The following EPB41L3 variants were observed in gnomAD, a reference collection of about 807,000 sequenced individuals.
The protein encoded by EPB41L3 is band 4.1-like protein 3.
EPB41L3 carries 57 observed loss-of-function variants against 127.1 expected under a neutral mutation model. The observed-to-expected ratio is 0.45, with a 90% CI of 0.36 to 0.56. EPB41L3 has a LOEUF of 0.56. Among genes scored for constraint, EPB41L3 ranks in the 20% least tolerant of loss-of-function variants. EPB41L3 has a pLI of 0.00. For synonymous variants in EPB41L3, 572 were observed against 549.5 expected (o/e 1.04, Z -0.57); for missense variants, 1,273 against 1,372.2 (o/e 0.93, Z 1.14).
intron 3 of EPB41L3, among the ~76,000 whole-genome samples, chr18:5,470,067 C>A (rs926059838): frequency 4.6e-5 from 7 of 152,140 alleles, no homozygotes; most frequent in Non-Finnish European, 8.8e-5. Flanking sequence ...CGTGAGCCAC[C>A]GTGTCTGGCT....
At chr18:5,422,576 C>T (rs1169690365) in intron 11 of EPB41L3, among the ~76,000 whole-genome samples, 2 of 152,152 alleles carry the variant, frequency 1.3e-5, no homozygotes, top group East Asian at 3.9e-4. Context: ...AACAAATCTC[C>T]AGGTGCTCCA....
intron 1 of EPB41L3, among the ~76,000 whole-genome samples, chr18:5,622,580 A>G (rs1401373610): frequency 6.6e-6 from 1 of 152,164 alleles, no homozygotes; most frequent in East Asian, 1.9e-4. Context: ...TGCAGGCTAC[A>G]TGTTTTTTTT....
rs1046206447 is a variant in EPB41L3 at position 5,428,238 on chromosome 18, A to C, written c.1065+75T>G. On this transcript the variant is annotated intron_variant, in intron 9 of 22. Transcript: ENST00000341928. ...TGTCCCACAATGCTCAGAACTCATA[A>C]GCAGATAATTTAAATGCTTGCTTGC... The C allele has an allele frequency of 3.8e-6, 6 of 1,560,566 alleles. No homozygotes were observed. The African/African-American group carries it at 8.1e-5, about 21-fold the overall frequency.
At chr18:5,535,202 T>C (rs1014178575) in intron 1 of EPB41L3, among the ~76,000 whole-genome samples, 2 of 151,904 alleles carry the variant, frequency 1.3e-5, no homozygotes, top group Non-Finnish European at 2.9e-5. Context: ...CCCCCGTCCA[T>C]GGAAAAACTG....
intron 3 of EPB41L3, among the ~76,000 whole-genome samples, chr18:5,460,773 G>A (rs1052035426): frequency 6.6e-6 from 1 of 152,114 alleles, no homozygotes. Context: ...ACCGGGTTGA[G>A]GCTTCCTCCT....
intron 10 of EPB41L3, among the ~76,000 whole-genome samples, 192 bp downstream of exon 10, chr18:5,424,070 A>G (rs913407354): frequency 2.6e-5 from 4 of 152,230 alleles, no homozygotes; most frequent in African/African-American, 9.6e-5. Context: ...ATGTAAGTAC[A>G]TGACAAATTA....
intron 3 of EPB41L3, among the ~76,000 whole-genome samples, chr18:5,465,210 G>T (rs1041534096): frequency 6.6e-6 from 1 of 152,148 alleles, no homozygotes; most frequent in South Asian, 2.1e-4. Flanking sequence ...AGGTAGGTGG[G>T]TTTTTAAAAC....
chr18:5,560,475 A>G (rs1429301660), intron 3 of EPB41L3, among the ~76,000 whole-genome samples: 1 of 152,222 alleles, frequency 6.6e-6, no homozygotes, highest in African/African-American at 2.4e-5. Flanking sequence ...TAACTTTTTC[A>G]AACTTAATTC....
At chr18:5,398,550 A>G in intron 16 of EPB41L3, 1 of 403,428 alleles carries the variant, frequency 2.5e-6, no homozygotes, top group Non-Finnish European at 4.4e-6. Flanking sequence ...CATAAAGCCA[A>G]GCAGCAAGAG....
At chr18:5,613,201 G>A (rs1441217987) in intron 2 of EPB41L3, among the ~76,000 whole-genome samples, 1 of 152,150 alleles carries the variant, frequency 6.6e-6, no homozygotes, top group African/African-American at 2.4e-5. Flanking sequence ...GGAAGTGAGT[G>A]ACCTTGACCA....
intron 22 of EPB41L3, 172 bp from the exon 23 acceptor site, chr18:5,393,650 A>G (rs1336574474): frequency 2.0e-6 from 1 of 489,724 alleles, no homozygotes; most frequent in Non-Finnish European, 3.6e-6. Flanking sequence ...AGTAATTACA[A>G]CAACGCCCAA....
rs1203193203 is a variant in EPB41L3, at chr18:5,418,980, T to TCAGG, written c.1506+730_1506+731insCCTG. Among the ~76,000 whole-genome samples, 61 of 152,306 alleles carry TCAGG rather than the reference T, an allele frequency of 4.0e-4. 1 individual carries two copies. The South Asian group carries it at 0.012, about 29-fold the overall frequency. ...AGCCACTCTGTTTTTCCCTTATTAT[T>TCAGG]AGGTATAAGCCTCCTGAAGGGTTTT... On this transcript the variant is annotated intron_variant, in intron 12 of 22. Coordinates refer to ENST00000341928, the MANE Select transcript of EPB41L3 (RefSeq NM_012307.5).
intron 1 of EPB41L3, among the ~76,000 whole-genome samples, chr18:5,535,659 C>CATCT: frequency 6.6e-6 from 1 of 152,296 alleles, no homozygotes; most frequent in Non-Finnish European, 1.5e-5. Context: ...CTCACAGAAG[C>CATCT]CTGGGTGCAC....
chr18:5,394,791 C>T lies in EPB41L3; in HGVS notation c.3156G>A (p.Ala1052=), dbSNP rs774369492. ...TGGCCTCTTTAATTGCCTGAGCCAGCGCCTATCCCCGGGAAATCACAGAAG... is the reference window on the plus strand; with the variant it reads ...TGGCCTCTTTAATTGCCTGAGCCAGTGCCTATCCCCGGGAAATCACAGAAG... ...TGDADIDHDQ[A]LAQAIKEAKE... is the part of the protein sequence containing the mutation. The change falls in exon 22 of 23, where the codon GCG becomes GCA. Residue 1052 remains alanine, a splice_region_variant and synonymous_variant. Transcript: ENST00000341928. 17 of 1,613,810 alleles carry T rather than the reference C, an allele frequency of 1.1e-5. 1 individual carries two copies. The highest frequency in any genetic ancestry group is 6.6e-5 in the South Asian group (6 of 91,068).
chr18:5,588,289 A>C (rs1270436895), intron 3 of EPB41L3, among the ~76,000 whole-genome samples: 2 of 152,128 alleles, frequency 1.3e-5, no homozygotes, highest in Non-Finnish European at 2.9e-5. Context: ...TCAAAACAAC[A>C]AAATTATATG....
chr18:5,625,404 A>G (rs576336931), intron 1 of EPB41L3, among the ~76,000 whole-genome samples: 8 of 152,164 alleles, frequency 5.3e-5, no homozygotes, highest in African/African-American at 1.9e-4. Flanking sequence ...TCTGTCAGGG[A>G]GCAACGTGAG....
chr18:5,421,603 T>C (rs1009075639), intron 11 of EPB41L3, among the ~76,000 whole-genome samples: 1 of 152,186 alleles, frequency 6.6e-6, no homozygotes, highest in Non-Finnish European at 1.5e-5. Flanking sequence ...GAATATAAAA[T>C]GTGGTATATA....
At chr18:5,398,810 G>C (rs1397383533) in intron 16 of EPB41L3, 11 of 399,206 alleles carry the variant, frequency 2.8e-5, no homozygotes, top group Non-Finnish European at 4.4e-5. Context: ...TTTTGCTGAA[G>C]CGTCTGCCTT....
Position 5,498,594 on chromosome 18 carries a change from CAAAAA to C in EPB41L3, c.-11-9405_-11-9401del, listed in dbSNP as rs397828412. On this transcript the variant is annotated intron_variant, in intron 1 of 22. Transcript: ENST00000341928. ...GGGTAACAAGAGCGAGACTCCATCT[CAAAAA>C]AAAAAAAAAAAAGAAAATGGACTTC... is the stretch of plus-strand genomic sequence containing the variant. 7.1e-5 allele frequency among the ~76,000 whole-genome samples: 5 copies of C among 70,498 alleles called. No individual in the cohort carries two copies. The South Asian group carries it at 3.2e-3, about 45-fold the overall frequency. The allele number at this position is 70,498 out of a possible 152,430, so 46.2% of individuals were successfully genotyped here. A position where few individuals can be genotyped will look rare whatever the true frequency, so the allele number is the denominator to read the frequency against.
Sources: allele counts gnomAD v4.1 joint callset (sites outside exome capture counted in the v4.1 genomes callset), GRCh38; gene constraint gnomAD v4.1.1; transcripts MANE v1.5; gene names NCBI Gene and HGNC (gene_info 2026-07-23, HGNC 2026-07-21).